DAPK1: variants seen among roughly 807,000 people sequenced by gnomAD.
DAPK1 encodes death-associated protein kinase 1.
DAPK1 carries 56 observed loss-of-function variants against 144.9 expected under a neutral mutation model. The observed-to-expected ratio is 0.39, with a 90% CI of 0.31 to 0.48. DAPK1 has a LOEUF of 0.48. DAPK1 is among the 20% of genes least tolerant of loss of function. The pLI, the probability that DAPK1 is intolerant of heterozygous loss-of-function variation, is 0.95. For missense variants in DAPK1, 1,454 were observed against 1,875.4 expected (o/e 0.78, Z 4.15); for synonymous variants, 690 against 749.0 (o/e 0.92, Z 1.29).
At chr9:87,553,332 T>C (rs1826567380) in intron 2 of DAPK1, 1 of 152,186 alleles carries the variant, frequency 6.6e-6, no homozygotes, top group Non-Finnish European at 1.5e-5. Flanking sequence ...TTCTTGATAA[T>C]TAATATGTGC....
In DAPK1 at chr9:87,650,946, T is replaced by G. The variant is rs779632264; in HGVS notation, c.1627-581T>G. ...TAGCACAGTAGGTTTTAGAAATGTTTCAGAACTCTCCACCCAGCTCCTAAA... is the reference window on the plus strand; with the variant it reads ...TAGCACAGTAGGTTTTAGAAATGTTGCAGAACTCTCCACCCAGCTCCTAAA... On this transcript the variant is annotated intron_variant, in intron 16 of 25. Transcript: ENST00000408954. Among the ~76,000 whole-genome samples, 4 of 152,178 alleles carry G rather than the reference T, an allele frequency of 2.6e-5. No homozygotes were observed. The South Asian group carries it at 8.3e-4, about 32-fold the overall frequency.
chr9:87,640,510 G>A, intron 8 of DAPK1, 60 bp downstream of exon 8: 1 of 1,564,846 alleles, frequency 6.4e-7, no homozygotes. Flanking sequence ...CAGAGCCTGT[G>A]TCTGTTCCAT....
intron 3 of DAPK1, among the ~76,000 whole-genome samples, chr9:87,624,612 T>A (rs1829425733): frequency 6.6e-6 from 1 of 152,216 alleles, no homozygotes; most frequent in Admixed American, 6.5e-5. Flanking sequence ...TGTCTTCCCC[T>A]GGATTACTCA....
chr9:87,688,750 T>C (rs1454102218), intron 21 of DAPK1, among the ~76,000 whole-genome samples: 1 of 152,214 alleles, frequency 6.6e-6, no homozygotes, highest in African/African-American at 2.4e-5. Context: ...AAGTGTCTGT[T>C]CGTGTCCTTT....
intron 17 of DAPK1, among the ~76,000 whole-genome samples, chr9:87,655,005 C>T (rs1193889926): frequency 6.6e-6 from 1 of 152,184 alleles, no homozygotes; most frequent in African/African-American, 2.4e-5. Context: ...TTTCAGGCTG[C>T]AAATATCTAT....
rs138098988 is a variant in DAPK1 at position 87,651,534 on chromosome 9, A to T, written c.1634A>T (p.His545Leu). The change falls in exon 17 of 26, where the codon CAC becomes CTC. Residue 545 changes from histidine to leucine, a missense_variant. By Grantham distance (99) the His-to-Leu change is moderately conservative. Coordinates refer to ENST00000408954, the MANE Select transcript of DAPK1 (RefSeq NM_004938.4). ...TCTGGGGTTTGTTTCCAGGACGGACACATTGCCCTTCATCTGGCTGTAAGA... is the reference window on the plus strand; with the variant it reads ...TCTGGGGTTTGTTTCCAGGACGGACTCATTGCCCTTCATCTGGCTGTAAGA... ...ADLNACDKDG[H>L]IALHLAVRRC... is the part of the protein sequence containing the mutation. 3 of 1,614,206 alleles carry T rather than the reference A, an allele frequency of 1.9e-6. No individual in the cohort carries two copies. The African/African-American group carries it at 4.0e-5, about 22-fold the overall frequency.
chr9:87,542,712 A>C (rs1826099011), intron 2 of DAPK1, among the ~76,000 whole-genome samples: 1 of 152,166 alleles, frequency 6.6e-6, no homozygotes. Flanking sequence ...CAGTTACCTA[A>C]AGACAAACGG....
At chr9:87,647,005 A>T (rs1229028936) in intron 13 of DAPK1, among the ~76,000 whole-genome samples, 1 of 152,238 alleles carries the variant, frequency 6.6e-6, no homozygotes, top group Non-Finnish European at 1.5e-5. Flanking sequence ...AACATAAAAT[A>T]ATTGTTTATA....
chr9:87,591,655 A>T (rs1183079395), intron 2 of DAPK1, among the ~76,000 whole-genome samples: 1 of 152,238 alleles, frequency 6.6e-6, no homozygotes, highest in African/African-American at 2.4e-5. Context: ...CTATGAAGGA[A>T]ATTAAAATGT....
chr9:87,617,838 C>G (rs1167114667), intron 3 of DAPK1, among the ~76,000 whole-genome samples: 1 of 152,166 alleles, frequency 6.6e-6, no homozygotes, highest in Admixed American at 6.5e-5. Flanking sequence ...CTCCATAGTC[C>G]CTGCTCCCCT....
chr9:87,617,791 C>T (rs1829152986), intron 3 of DAPK1, among the ~76,000 whole-genome samples: 1 of 152,164 alleles, frequency 6.6e-6, no homozygotes, highest in South Asian at 2.1e-4. Flanking sequence ...CCAGGTACCT[C>T]AACTTCACGT....
chr9:87,501,795 TATAG>T (rs751780653), intron 2 of DAPK1, among the ~76,000 whole-genome samples: 3 of 152,326 alleles, frequency 2.0e-5, no homozygotes, highest in Non-Finnish European at 4.4e-5. Context: ...TCAGGAACTT[TATAG>T]AGTATTGCAA....
At chr9:87,519,525 A>T (rs11141860) in intron 2 of DAPK1, among the ~76,000 whole-genome samples, 2,888 of 150,366 alleles carry the variant, frequency 0.019, 81 homozygotes, top group East Asian at 0.089. Context: ...TGTCTGGCTG[A>T]TCATGTCAGA....
chr9:87,556,588 C>A (rs1826725065), intron 2 of DAPK1, among the ~76,000 whole-genome samples: 1 of 152,146 alleles, frequency 6.6e-6, no homozygotes, highest in Non-Finnish European at 1.5e-5. Context: ...GGGAGGATGG[C>A]GGTCTCCTGC....
intron 2 of DAPK1, among the ~76,000 whole-genome samples, chr9:87,593,140 A>T (rs1220377557): frequency 6.6e-6 from 1 of 152,216 alleles, no homozygotes; most frequent in African/African-American, 2.4e-5. Flanking sequence ...AGTTGTATTC[A>T]GTCTCCAGAG....
At chr9:87,651,074 A>C (rs1470053409) in intron 16 of DAPK1, among the ~76,000 whole-genome samples, 1 of 152,212 alleles carries the variant, frequency 6.6e-6, no homozygotes, top group Non-Finnish European at 1.5e-5. Flanking sequence ...TCTGCTTCTC[A>C]TTTATATGAC....
chr9:87,518,099 G>GGTTTTTTTTTTTTTTTTTTT (rs763027342), intron 2 of DAPK1, among the ~76,000 whole-genome samples: 1 of 126,046 alleles, frequency 7.9e-6, no homozygotes, highest in African/African-American at 3.4e-5. Context: ...TGCCGTTTAT[G>GGTTTTTTTTTTTTTTTTTTT]TTGTTGTTTT....
intron 2 of DAPK1, among the ~76,000 whole-genome samples, chr9:87,560,691 A>G (rs1314725632): frequency 7.1e-6 from 1 of 141,580 alleles, no homozygotes; most frequent in Non-Finnish European, 1.5e-5. Context: ...TTTTTGAGAC[A>G]GTCTTGCTCT....
At chr9:87,503,247 A>ATG (rs961860403) in intron 2 of DAPK1, among the ~76,000 whole-genome samples, 3 of 151,662 alleles carry the variant, frequency 2.0e-5, no homozygotes, top group African/African-American at 4.8e-5. Context: ...TTTTATATAT[A>ATG]TGTGTGTGTG....
Sources: gnomAD v4.1 joint callset for allele counts (sites outside exome capture counted in the v4.1 genomes callset) on GRCh38, gnomAD v4.1.1 for gene constraint, MANE v1.5 for transcripts, NCBI Gene and HGNC (gene_info 2026-07-23, HGNC 2026-07-21) for gene names.